FBRSL1: variants seen among roughly 807,000 people sequenced by gnomAD.
FBRSL1 encodes the protein fibrosin like 1.
In FBRSL1, 51 loss-of-function variants were observed where a neutral mutation model predicts 89.6. The ratio of observed to expected loss-of-function variants is 0.57; its 90% confidence interval spans 0.45 to 0.72. The LOEUF (loss-of-function observed/expected upper bound fraction) is 0.72. FBRSL1 is among the 30% of genes least tolerant of loss of function. FBRSL1 has a pLI of 0.00. For missense variants in FBRSL1, 1,618 were observed against 1,451.8 expected, an observed-to-expected ratio of 1.11 and a Z score of -1.86; for synonymous variants, 779 against 681.1, an observed-to-expected ratio of 1.14 and a Z score of -2.24.
intron 4 of FBRSL1, among the ~76,000 whole-genome samples, chr12:132,535,065 T>A (rs1026902846): frequency 1.3e-5 from 2 of 152,190 alleles, no homozygotes; most frequent in African/African-American, 4.8e-5. Flanking sequence ...CAGGCCAGAG[T>A]CTGGGGTGCC....
chr12:132,583,739 C>T lies in FBRSL1; in HGVS notation c.2970C>T (p.Tyr990=). Residue 990 remains tyrosine (Y), a synonymous_variant, in exon 19 of 19, where the codon TAC becomes TAT. Transcript: ENST00000680143. Reference sequence around the variant, plus strand: ...TCGGGCCGGGCGAGGCGCGCGACTACTCCCCGTCCCGAAATCCCCCGGAGG... The same window carrying T: ...TCGGGCCGGGCGAGGCGCGCGACTATTCCCCGTCCCGAAATCCCCCGGAGG... The part of the protein sequence containing the change: ...GGLGPGEARD[Y]SPSRNPPEVE... 1 of 1,216,898 alleles carries T rather than the reference C, an allele frequency of 8.2e-7. No individual in the cohort carries two copies. The highest frequency in any genetic ancestry group is 1.0e-6 in the Non-Finnish European group (1 of 978,300). 75.4% of individuals were successfully genotyped at this position (1,216,898 alleles called of 1,614,324 possible). A position where few individuals can be genotyped will look rare whatever the true frequency, so the allele number is the denominator to read the frequency against.
In FBRSL1 at chr12:132,576,580, C is replaced by T. The variant is rs543323757; in HGVS notation, c.1702-219C>T. Among the ~76,000 whole-genome samples the T allele has an allele frequency of 1.7e-4, 26 of 152,348 alleles. No homozygotes were observed. The South Asian group carries it at 5.2e-3, about 30-fold the overall frequency. On this transcript the variant is annotated intron_variant, in intron 14 of 18. Transcript: ENST00000680143. The stretch of plus-strand genomic sequence containing the variant: ...CCAGCTGCCATGTGCCAAGTACGTA[C>T]CACAGTTCAGAGGACGTGAGCTCTC...
chr12:132,545,266 G>A (rs1221026423), intron 4 of FBRSL1, among the ~76,000 whole-genome samples: 3 of 152,146 alleles, frequency 2.0e-5, no homozygotes, highest in Non-Finnish European at 2.9e-5. Context: ...CTGAGCCCCC[G>A]AGCCCAGCCC....
intron 6 of FBRSL1, among the ~76,000 whole-genome samples, chr12:132,568,541 T>G (rs2039789541): frequency 6.6e-6 from 1 of 152,242 alleles, no homozygotes; most frequent in South Asian, 2.1e-4. Flanking sequence ...CCGCGGCTGC[T>G]GCCGCATCTG....
intron 4 of FBRSL1, among the ~76,000 whole-genome samples, chr12:132,537,951 T>C (rs773865985): frequency 6.6e-6 from 1 of 152,178 alleles, no homozygotes; most frequent in Non-Finnish European, 1.5e-5. Context: ...GCAGGCGCAG[T>C]GGCCACCACT....
In FBRSL1 at chr12:132,574,367, G is replaced by A; in HGVS notation, c.1629+19G>A. ...GGTCAAGGTGAGCACGTGTTGGGAA[G>A]GCCCGTGGCAAGGGAGGACTCTGGT... On this transcript the variant is annotated intron_variant, in intron 13 of 18. Coordinates refer to ENST00000680143, the MANE Select transcript of FBRSL1 (RefSeq NM_001367871.1). 6.5e-7 allele frequency: 1 copy of A among 1,549,968 alleles called. No individual in the cohort carries two copies. The highest frequency in any genetic ancestry group is 8.7e-7 in the Non-Finnish European group (1 of 1,146,646).
At chr12:132,574,021 A>T in intron 11 of FBRSL1, 69 bp from the exon 12 acceptor site, 1 of 1,086,382 alleles carries the variant, frequency 9.2e-7, no homozygotes, top group Admixed American at 4.4e-5. Context: ...CGCCAGAACC[A>T]GGAAGCCCGA....
At chr12:132,533,748 G>C (rs1041576488) in intron 4 of FBRSL1, among the ~76,000 whole-genome samples, 2 of 152,244 alleles carry the variant, frequency 1.3e-5, no homozygotes, top group Non-Finnish European at 2.9e-5. Flanking sequence ...CTCTGGGCTG[G>C]GCTCCATGCC....
At chr12:132,572,088 A>G in intron 9 of FBRSL1, 200 bp from the exon 10 acceptor site, 1 of 585,158 alleles carries the variant, frequency 1.7e-6, no homozygotes, top group Non-Finnish European at 3.0e-6. Flanking sequence ...TTAGAATGGC[A>G]GGGCCGCCCT....
chr12:132,559,746 T>C (rs1231994227), intron 5 of FBRSL1, among the ~76,000 whole-genome samples: 1 of 152,182 alleles, frequency 6.6e-6, no homozygotes, highest in Non-Finnish European at 1.5e-5. Context: ...GGGTGGCAGG[T>C]GTCCGTAACT....
chr12:132,506,605 CG>C (rs1380566870), intron 1 of FBRSL1, among the ~76,000 whole-genome samples: 1 of 152,266 alleles, frequency 6.6e-6, no homozygotes. Context: ...TGCAAACAGC[CG>C]TTCTCTGGGC....
intron 4 of FBRSL1, among the ~76,000 whole-genome samples, chr12:132,537,987 G>A (rs938143980): frequency 5.3e-5 from 8 of 152,188 alleles, no homozygotes; most frequent in Non-Finnish European, 1.2e-4. Context: ...GGGAGGGGCC[G>A]CAGAGCCCTG....
intron 5 of FBRSL1, 60 bp downstream of exon 5, chr12:132,548,092 T>C: frequency 6.5e-7 from 1 of 1,540,708 alleles, no homozygotes; most frequent in Non-Finnish European, 8.8e-7. Context: ...CTGCTGACCT[T>C]GGCCCTGTGA....
chr12:132,572,706 T>C, intron 11 of FBRSL1, 84 bp downstream of exon 11: 2 of 955,772 alleles, frequency 2.1e-6, no homozygotes, highest in Non-Finnish European at 3.2e-6. Flanking sequence ...CCAAACTCTC[T>C]GCCCACAACC....
chr12:132,547,205 ACGGACAG>A (rs2037763716), intron 4 of FBRSL1, among the ~76,000 whole-genome samples: 1 of 149,894 alleles, frequency 6.7e-6, no homozygotes, highest in African/African-American at 2.5e-5. Flanking sequence ...AAAACGGAGA[ACGGACAG>A]TCAGTGTGTT....
In FBRSL1 at chr12:132,571,157, C is replaced by T. The variant is rs1321528184; in HGVS notation, c.1303C>T (p.Leu435Phe). 7.1e-7 allele frequency: 1 copy of T among 1,413,982 alleles called. No homozygotes were observed. The highest frequency in any genetic ancestry group is 1.4e-5 in the African/African-American group (1 of 69,004). The allele number at this position is 1,413,982 out of a possible 1,614,324, so 87.6% of individuals were successfully genotyped here. A position where few individuals can be genotyped will look rare whatever the true frequency, so the allele number is the denominator to read the frequency against. Residue 435 changes from leucine to phenylalanine, a missense_variant, in exon 9 of 19, where the codon CTC (leucine) becomes TTC (phenylalanine). By Grantham distance (22) the Leu-to-Phe change is conservative. Transcript: ENST00000680143. ...ILIGTWSQAP[L>F]LPAPLGPHVA... is the part of the protein sequence containing the mutation. Reference sequence around the variant, plus strand: ...GATTGGTACTTGGTCACAGGCTCCTCTCTTACCTGCACCCCTGGGCCCGCA... The same window carrying T: ...GATTGGTACTTGGTCACAGGCTCCTTTCTTACCTGCACCCCTGGGCCCGCA...
chr12:132,535,587 G>A (rs952403842), intron 4 of FBRSL1, among the ~76,000 whole-genome samples: 2 of 152,252 alleles, frequency 1.3e-5, no homozygotes, highest in East Asian at 3.8e-4. Context: ...AGGAGCAGAT[G>A]CAGCCAGTAT....
rs868034207 is a variant in FBRSL1, at chr12:132,507,862, G to A, written c.292-291G>A. ...GGCAGTCCTGGGCAGCCCTGGGCTG[G>A]CCTCCTGTGAAGCTTACTGGAGACT... On this transcript the variant is annotated intron_variant, in intron 1 of 18. Coordinates refer to ENST00000680143, the MANE Select transcript of FBRSL1 (RefSeq NM_001367871.1). 5.9e-5 allele frequency among the ~76,000 whole-genome samples: 9 copies of A among 152,230 alleles called. No individual in the cohort carries two copies. The Middle Eastern group carries it at 0.017, about 288-fold the overall frequency.
intron 15 of FBRSL1, chr12:132,580,955 G>A (rs1036193257): frequency 2.0e-6 from 2 of 985,354 alleles, no homozygotes; most frequent in Non-Finnish European, 2.4e-6. Flanking sequence ...TGTGGGCTGG[G>A]CCTGTGCCCA....
Sources: allele counts gnomAD v4.1 joint callset (sites outside exome capture counted in the v4.1 genomes callset), GRCh38; gene constraint gnomAD v4.1.1; transcripts MANE v1.5; gene names NCBI Gene and HGNC (gene_info 2026-07-23, HGNC 2026-07-21).